Variants in NEO1 observed in about 807,000 individuals in gnomAD.
The protein encoded by NEO1 is neogenin 1.
Under a neutral mutation model 159.7 loss-of-function variants are expected in NEO1, and 63 were observed. The observed-to-expected ratio is 0.39, with a 90% CI of 0.32 to 0.49. The LOEUF is 0.49. NEO1 is among the 20% of genes least tolerant of loss of function. The pLI is 0.85. For synonymous variants in NEO1, 633 were observed against 662.0 expected, an observed-to-expected ratio of 0.96 and a Z score of 0.67; for missense variants, 1,615 against 1,831.0, an observed-to-expected ratio of 0.88 and a Z score of 2.15.
rs2038575755 is a variant in NEO1, at chr15:73,226,101, C to T, written c.1292-10246C>T. Among the ~76,000 whole-genome samples, 5 of 152,296 alleles carry T rather than the reference C, an allele frequency of 3.3e-5. No individual in the cohort carries two copies. The South Asian group carries it at 1.0e-3, about 32-fold the overall frequency. ...GTGTGTTCAGGAGAGGAGAATCTCC[C>T]TTTCCCACTTCCACAGTTGGGGCAC... On this transcript the variant is annotated intron_variant, in intron 7 of 28. Coordinates refer to ENST00000261908, the MANE Select transcript of NEO1 (RefSeq NM_002499.4).
chr15:73,296,494 C>T (rs975796738), intron 26 of NEO1, among the ~76,000 whole-genome samples: 5 of 152,146 alleles, frequency 3.3e-5, no homozygotes, highest in African/African-American at 1.2e-4. Context: ...GTCCCTCATC[C>T]ATGGACCCAA....
intron 4 of NEO1, among the ~76,000 whole-genome samples, chr15:73,132,690 A>G (rs2031284256): frequency 6.6e-6 from 1 of 152,206 alleles, no homozygotes; most frequent in Admixed American, 6.5e-5. Context: ...AATCAGTGAG[A>G]AAAACAAGCA....
At position 73,244,449 on chromosome 15, in the gene NEO1, T is replaced by C. The variant is rs2039650644; in HGVS notation, c.1557T>C (p.His519=). 1 of 1,613,844 alleles carries C rather than the reference T, an allele frequency of 6.2e-7. No homozygotes were observed. The highest frequency in any genetic ancestry group is 1.3e-5 in the African/African-American group (1 of 74,898). The change falls in exon 9 of 29, where the codon CAT becomes CAC. Residue 519 remains histidine (H), a synonymous_variant. Transcript: ENST00000261908. ...TTAGAGTTATGGCTCAAAATAAGCATGGCTCAGGAGAGAGTTCAGCTCCAC... is the reference window on the plus strand; with the variant it reads ...TTAGAGTTATGGCTCAAAATAAGCACGGCTCAGGAGAGAGTTCAGCTCCAC... ...YIFRVMAQNK[H]GSGESSAPLR...
At position 73,113,119 on chromosome 15, in the gene NEO1, T is replaced by C. The variant is rs942623038; in HGVS notation, c.131-3421T>C. ...TAGTTACTATAGCTTTATACATACT[T>C]GTAACTAACAAGTGGAGTCCCTTTA... On this transcript the variant is annotated intron_variant, in intron 1 of 28. Coordinates refer to ENST00000261908, the MANE Select transcript of NEO1 (RefSeq NM_002499.4). Among the ~76,000 whole-genome samples the C allele has an allele frequency of 2.9e-4, 44 of 152,022 alleles. 2 individuals are homozygous for C. Among genetic ancestry groups the C allele is most frequent in the Admixed American group, 2.4e-3 (37 of 15,242 alleles).
At chr15:73,133,324 C>T (rs2031363690) in intron 4 of NEO1, among the ~76,000 whole-genome samples, 1 of 152,116 alleles carries the variant, frequency 6.6e-6, no homozygotes, top group South Asian at 2.1e-4. Flanking sequence ...CCTATGTTCT[C>T]ACTCATAAGT....
intron 5 of NEO1, among the ~76,000 whole-genome samples, chr15:73,147,882 C>T (rs1167030275): frequency 2.0e-5 from 3 of 151,136 alleles, no homozygotes; most frequent in Non-Finnish European, 2.9e-5. Context: ...TGCGCGATCT[C>T]GGCTCACTGC....
intron 7 of NEO1, among the ~76,000 whole-genome samples, chr15:73,220,020 G>A (rs567441853): frequency 2.1e-3 from 327 of 152,094 alleles, no homozygotes; most frequent in African/African-American, 6.1e-3. Flanking sequence ...TCCTAGTCTC[G>A]ATGGTCTTTA....
chr15:73,243,894 A>G (rs894939418), intron 8 of NEO1, among the ~76,000 whole-genome samples: 2 of 152,318 alleles, frequency 1.3e-5, no homozygotes, highest in African/African-American at 4.8e-5. Flanking sequence ...GATAACCTCT[A>G]GCATTCTTTT....
At chr15:73,145,512 A>G (rs578188376) in intron 5 of NEO1, among the ~76,000 whole-genome samples, 2 of 152,320 alleles carry the variant, frequency 1.3e-5, no homozygotes, top group East Asian at 3.9e-4. Context: ...TTAGTGGCAA[A>G]AATTATAAAC....
At chr15:73,183,382 C>T (rs1053981608) in intron 7 of NEO1, among the ~76,000 whole-genome samples, 1 of 152,154 alleles carries the variant, frequency 6.6e-6, no homozygotes, top group African/African-American at 2.4e-5. Context: ...AGAGGAGGAA[C>T]CCTCCTGTCC....
At chr15:73,173,881 C>A (rs747070412) in intron 5 of NEO1, among the ~76,000 whole-genome samples, 4 of 151,974 alleles carry the variant, frequency 2.6e-5, no homozygotes, top group Non-Finnish European at 4.4e-5. Flanking sequence ...AGGTGGATCA[C>A]CTGAGGTCAG....
At chr15:73,168,380 G>T (rs1335502173) in intron 5 of NEO1, among the ~76,000 whole-genome samples, 10 of 8,558 alleles carry the variant, frequency 1.2e-3, no homozygotes, top group Admixed American at 6.7e-3. Flanking sequence ...GACGGGGGGT[G>T]GGGGGGGGGG....
At chr15:73,056,020 A>G (rs941426883) in intron 1 of NEO1, among the ~76,000 whole-genome samples, 2 of 152,240 alleles carry the variant, frequency 1.3e-5, no homozygotes, top group Non-Finnish European at 2.9e-5. Context: ...CTGTCCTGCT[A>G]GAATGAGCTT....
chr15:73,299,743 G>C (rs1462305364), intron 27 of NEO1, among the ~76,000 whole-genome samples: 1 of 151,912 alleles, frequency 6.6e-6, no homozygotes, highest in East Asian at 1.9e-4. Context: ...ATTTTTTGCA[G>C]ATCTCTTTAA....
rs368927139 is a variant in NEO1, at chr15:73,069,123, G to A, written c.130+16318G>A. Among the ~76,000 whole-genome samples the A allele has an allele frequency of 1.1e-3, 129 of 113,700 alleles. 1 individual carries two copies. The highest frequency in any genetic ancestry group is 3.5e-3 in the African/African-American group (126 of 35,786). The allele number at this position is 113,700 out of a possible 152,430, so 74.6% of individuals were successfully genotyped here. ...CATGCGTCACCATGGGCTAATTTTT[G>A]TATTTTTTTTTTTTTTTTTTGTAGA... On this transcript the variant is annotated intron_variant, in intron 1 of 28. Coordinates refer to ENST00000261908, the MANE Select transcript of NEO1 (RefSeq NM_002499.4).
chr15:73,284,392 A>G (rs1299921916), intron 23 of NEO1, among the ~76,000 whole-genome samples: 3 of 152,206 alleles, frequency 2.0e-5, no homozygotes, highest in Non-Finnish European at 4.4e-5. Context: ...CAGGGTAAGT[A>G]CAGGCCACCC....
chr15:73,148,573 C>CT (rs1357247254), intron 5 of NEO1, among the ~76,000 whole-genome samples: 1 of 152,202 alleles, frequency 6.6e-6, no homozygotes, highest in Non-Finnish European at 1.5e-5. Flanking sequence ...ATTGATGGCA[C>CT]TTTCATATAA....
chr15:73,263,916 T>G (rs1217926823), intron 15 of NEO1, among the ~76,000 whole-genome samples: 1 of 152,238 alleles, frequency 6.6e-6, no homozygotes, highest in African/African-American at 2.4e-5. Flanking sequence ...CCAGGCACAG[T>G]GGCTCACACC....
chr15:73,220,773 C>CCG (rs781520243), intron 7 of NEO1, among the ~76,000 whole-genome samples: 24 of 152,188 alleles, frequency 1.6e-4, no homozygotes, highest in Non-Finnish European at 3.1e-4. Context: ...GCTTTCAGCT[C>CCG]CATCAGCTCC....
Sources: allele counts gnomAD v4.1 joint callset (sites outside exome capture counted in the v4.1 genomes callset), GRCh38; gene constraint gnomAD v4.1.1; transcripts MANE v1.5; gene names NCBI Gene and HGNC (gene_info 2026-07-23, HGNC 2026-07-21).